GJA8: variants seen among roughly 807,000 people sequenced by gnomAD.
GJA8 encodes gap junction protein alpha 8, also known as gap junction alpha-8 protein.
GJA8 carries 13 observed loss-of-function variants against 15.3 expected under a neutral mutation model. The observed-to-expected ratio is 0.85, with a 90% CI of 0.55 to 1.35. The LOEUF is 1.35. Among genes scored for constraint, GJA8 ranks in the 40% most tolerant of loss-of-function variants. GJA8 has a pLI of 0.00. For synonymous variants in GJA8, 304 were observed against 238.7 expected (o/e 1.27, Z -2.52); for missense variants, 607 against 553.3 (o/e 1.10, Z -0.97).
chr1:147,911,126 G>T (rs1164387818), downstream of GJA8, among the ~76,000 whole-genome samples: 3 of 152,150 alleles, frequency 2.0e-5, no homozygotes, highest in African/African-American at 7.2e-5. Context: ...AAACCAAGTT[G>T]ACATAGCAGG....
downstream of GJA8, among the ~76,000 whole-genome samples, chr1:147,911,900 G>A (rs1003096196): frequency 1.3e-5 from 2 of 148,848 alleles, no homozygotes; most frequent in Admixed American, 1.3e-4. Context: ...TGGGACATAA[G>A]TGTGTGATAG....
At chr1:147,903,517 C>A (rs1197133312) in intron 1 of GJA8, among the ~76,000 whole-genome samples, 1 of 152,126 alleles carries the variant, frequency 6.6e-6, no homozygotes, top group African/African-American at 2.4e-5. Context: ...TGTTATTCTG[C>A]CTCTTCAAAA....
Position 147,907,615 on chromosome 1 carries a change from A to G in GJA8, c.-11-330A>G, listed in dbSNP as rs78669708. 0.034 allele frequency among the ~76,000 whole-genome samples: 5,243 copies of G among 152,294 alleles called. 103 individuals are homozygous for G. The highest frequency in any genetic ancestry group is 0.046 in the Non-Finnish European group (3,119 of 68,026). ...AACCAAGGGTTTCTATTTATGGTCA[A>G]CAATGAATCCTTATTTTTGGTGGAC... On this transcript the variant is annotated intron_variant, in intron 1 of 1. Transcript: ENST00000369235.
chr1:147,908,570 CA>C lies in GJA8; in HGVS notation c.616del (p.Ile206SerfsTer16). 6.2e-7 allele frequency: 1 copy of C among 1,614,162 alleles called. No homozygotes were observed. Among genetic ancestry groups the C allele is most frequent in the Non-Finnish European group, 8.5e-7 (1 of 1,180,048 alleles). On this transcript the variant is annotated frameshift_variant, in exon 2 of 2. Transcript: ENST00000369235. LOFTEE classifies it low-confidence loss of function (END_TRUNC). Reference protein sequence around the residue: ...VSRPTEKTIFILFMLSVASVS... With the variant: ...VSRPTEKTIFXLFMLSVASVS... ...CCCGGCCCACGGAGAAAACCATCTT[CA>C]TCCTGTTCATGTTGTCTGTGGCCTC...
downstream of GJA8, among the ~76,000 whole-genome samples, chr1:147,910,293 C>T (rs1652060386): frequency 6.6e-6 from 1 of 152,344 alleles, no homozygotes; most frequent in Middle Eastern, 3.4e-3. Context: ...GCAATATCAG[C>T]TTATGCTAAT....
At chr1:147,904,968 A>G (rs1400659978) in intron 1 of GJA8, among the ~76,000 whole-genome samples, 1 of 152,204 alleles carries the variant, frequency 6.6e-6, no homozygotes, top group Non-Finnish European at 1.5e-5. Context: ...TGTGTCATGA[A>G]CATGTATCAT....
intron 1 of GJA8, among the ~76,000 whole-genome samples, chr1:147,905,099 C>T (rs1402850028): frequency 6.6e-6 from 1 of 152,108 alleles, no homozygotes; most frequent in Non-Finnish European, 1.5e-5. Context: ...TTGTTATTTA[C>T]CATTTTTTAC....
downstream of GJA8, among the ~76,000 whole-genome samples, chr1:147,912,871 T>C (rs1652225887): frequency 6.9e-6 from 1 of 145,068 alleles, no homozygotes; most frequent in Non-Finnish European, 1.5e-5. Context: ...GTGTAAACCC[T>C]GGCCTAGTGT....
chr1:147,904,626 G>T (rs1180957383), intron 1 of GJA8, among the ~76,000 whole-genome samples: 1 of 152,116 alleles, frequency 6.6e-6, no homozygotes, highest in Admixed American at 6.5e-5. Flanking sequence ...GTCTTCCTTT[G>T]GTTCAGATTT....
chr1:147,909,276 A>T (rs1553243086), downstream of GJA8: 1 of 1,549,258 alleles, frequency 6.5e-7, no homozygotes, highest in Admixed American at 1.7e-5. Flanking sequence ...CAAAGAAAAA[A>T]AAAAAAACGC....
intron 1 of GJA8, among the ~76,000 whole-genome samples, chr1:147,903,085 CAGCAGGATGGGGAAACA>C (rs1453897990): frequency 6.6e-6 from 1 of 152,194 alleles, no homozygotes; most frequent in Non-Finnish European, 1.5e-5. Context: ...CTGGAATAAT[CAGCAGGATGGGGAAACA>C]GAGATGTCCA....
At chr1:147,914,067 A>G (rs370609752), downstream of GJA8, among the ~76,000 whole-genome samples, 121 of 152,314 alleles carry the variant, frequency 7.9e-4, 1 homozygote, top group South Asian at 0.015. Context: ...ACTGCCCTAG[A>G]CATTGCAGCT....
At chr1:147,911,380 TA>T (rs1553243447), downstream of GJA8, among the ~76,000 whole-genome samples, 1 of 152,140 alleles carries the variant, frequency 6.6e-6, no homozygotes, top group Non-Finnish European at 1.5e-5. Context: ...TAAAGCAAAG[TA>T]GTCTAAAAAT....
At chr1:147,909,973 C>A (rs782622040), downstream of GJA8, among the ~76,000 whole-genome samples, 1 of 152,154 alleles carries the variant, frequency 6.6e-6, no homozygotes, top group African/African-American at 2.4e-5. Flanking sequence ...GATCCTCTCA[C>A]CTTAGCCTCC....
downstream of GJA8, among the ~76,000 whole-genome samples, chr1:147,911,075 C>A (rs1019411275): frequency 1.3e-5 from 2 of 152,168 alleles, no homozygotes; most frequent in Non-Finnish European, 2.9e-5. Context: ...CAACACTATG[C>A]TTCATGGACT....
chr1:147,909,363 G>A, downstream of GJA8: 1 of 881,928 alleles, frequency 1.1e-6, no homozygotes, highest in Non-Finnish European at 1.8e-6. Flanking sequence ...CCTCCCACCA[G>A]CCTCTGGTTG....
chr1:147,912,584 C>G (rs1652207634), downstream of GJA8, among the ~76,000 whole-genome samples: 2 of 152,082 alleles, frequency 1.3e-5, no homozygotes, highest in Non-Finnish European at 2.9e-5. Context: ...TGTTTTGAGG[C>G]AAATAATTAT....
chr1:147,904,289 T>C (rs1553241991), intron 1 of GJA8, among the ~76,000 whole-genome samples: 2 of 152,160 alleles, frequency 1.3e-5, no homozygotes, highest in Admixed American at 6.5e-5. Flanking sequence ...TATCCTTATG[T>C]TGGTCACACT....
At chr1:147,909,625 G>C (rs890607355), downstream of GJA8, among the ~76,000 whole-genome samples, 1 of 152,150 alleles carries the variant, frequency 6.6e-6, no homozygotes, top group Non-Finnish European at 1.5e-5. Flanking sequence ...AGCTCACTAA[G>C]CCAGAATCTA....
Sources: gnomAD v4.1 joint callset for allele counts (sites outside exome capture counted in the v4.1 genomes callset) on GRCh38, gnomAD v4.1.1 for gene constraint, MANE v1.5 for transcripts, NCBI Gene and HGNC (gene_info 2026-07-23, HGNC 2026-07-21) for gene names.